CSGALNACT1: variants seen among roughly 807,000 people sequenced by gnomAD.
The protein encoded by CSGALNACT1 is chondroitin sulfate N-acetylgalactosaminyltransferase 1, also known as beta4GalNAcT-1.
Under a neutral mutation model 51.0 loss-of-function variants are expected in CSGALNACT1, and 52 were observed. The ratio of observed to expected loss-of-function variants is 1.02; its 90% CI spans 0.82 to 1.29. The LOEUF is 1.29. Ranked by LOEUF, CSGALNACT1 falls within the 50% of genes most tolerant of loss-of-function variation. The probability of loss-of-function intolerance (pLI) is 0.00; values close to 1 mark genes in which losing one functional copy is unlikely to be tolerated. For missense variants in CSGALNACT1, 935 were observed against 679.2 expected (o/e 1.38, Z -4.19); for synonymous variants, 341 against 254.4 (o/e 1.34, Z -3.24).
exon 10 of CSGALNACT1, chr8:19,406,017 A>G: frequency 1.2e-6 from 2 of 1,614,202 alleles, no homozygotes; most frequent in Non-Finnish European, 1.7e-6. Flanking sequence ...GATACTTGCG[A>G]TAAAGGTGCA....
chr8:19,648,524 C>A (rs2057482890), intron 1 of CSGALNACT1, among the ~76,000 whole-genome samples: 1 of 152,196 alleles, frequency 6.6e-6, no homozygotes, highest in Admixed American at 6.5e-5. Flanking sequence ...TGGAAACAAC[C>A]TGGCTCGACA....
intron 4 of CSGALNACT1, among the ~76,000 whole-genome samples, chr8:19,478,842 C>T (rs2070541759): frequency 6.6e-6 from 1 of 152,160 alleles, no homozygotes. Context: ...AAGTAAACAA[C>T]ATTGATATCA....
At chr8:19,482,690 A>G (rs2071759010) in intron 4 of CSGALNACT1, among the ~76,000 whole-genome samples, 1 of 152,274 alleles carries the variant, frequency 6.6e-6, no homozygotes, top group East Asian at 1.9e-4. Flanking sequence ...GGTGGTCCTC[A>G]AAGTTCCGAT....
intron 3 of CSGALNACT1, among the ~76,000 whole-genome samples, chr8:19,549,768 T>TA (rs1207144435): frequency 4.2e-5 from 6 of 144,238 alleles, no homozygotes; most frequent in Non-Finnish European, 9.0e-5. Context: ...TGTCTGAAAA[T>TA]ATCCCTATTC....
In CSGALNACT1 at chr8:19,583,666, T is replaced by C. The variant is rs77248241; in HGVS notation, c.-297+7494A>G. ...TTTCATTAACATCATCAACCATTAC[T>C]CTGATGACAAGCATTCCTCAGGATT... On this transcript the variant is annotated intron_variant, in intron 3 of 9. Transcript: ENST00000454498. Among the ~76,000 whole-genome samples, 236 of 152,296 alleles carry C rather than the reference T, an allele frequency of 1.5e-3. 2 individuals carry two copies. The highest frequency in any genetic ancestry group is 5.3e-3 in the African/African-American group (220 of 41,570).
intron 3 of CSGALNACT1, among the ~76,000 whole-genome samples, chr8:19,520,117 T>C (rs938224768): frequency 2.0e-5 from 3 of 152,192 alleles, no homozygotes; most frequent in African/African-American, 7.2e-5. Context: ...TCCTCTTCCT[T>C]CCCCACCTAC....
chr8:19,440,866 A>T (rs1268869771), intron 5 of CSGALNACT1, among the ~76,000 whole-genome samples: 6 of 152,226 alleles, frequency 3.9e-5, no homozygotes, highest in Non-Finnish European at 8.8e-5. Flanking sequence ...CAACTTCAGC[A>T]AAGTCTCAGG....
intron 1 of CSGALNACT1, among the ~76,000 whole-genome samples, chr8:19,621,605 A>C (rs984740456): frequency 6.6e-6 from 1 of 151,938 alleles, no homozygotes; most frequent in African/African-American, 2.4e-5. Flanking sequence ...GGCAAGACCC[A>C]GTCTCTACAA....
intron 3 of CSGALNACT1, among the ~76,000 whole-genome samples, chr8:19,581,994 T>G (rs1051962627): frequency 5.3e-5 from 8 of 152,234 alleles, no homozygotes; most frequent in African/African-American, 9.6e-5. Flanking sequence ...TTCTTAAAGA[T>G]GATCACCTAC....
intron 4 of CSGALNACT1, among the ~76,000 whole-genome samples, chr8:19,495,748 C>A (rs2075335722): frequency 6.6e-6 from 1 of 152,134 alleles, no homozygotes; most frequent in African/African-American, 2.4e-5. Context: ...GGTTTAAAGT[C>A]TTGGCTTTAT....
chr8:19,414,674 G>A (rs1174246654), intron 8 of CSGALNACT1, among the ~76,000 whole-genome samples: 2 of 152,042 alleles, frequency 1.3e-5, no homozygotes, highest in Non-Finnish European at 2.9e-5. Flanking sequence ...AAATGACAGT[G>A]GCAACAGTCA....
chr8:19,613,407 G>A (rs896485133), intron 1 of CSGALNACT1, among the ~76,000 whole-genome samples: 16 of 151,910 alleles, frequency 1.1e-4, no homozygotes, highest in African/African-American at 2.2e-4. Context: ...CTTTATCATC[G>A]CACAGACCGG....
intron 3 of CSGALNACT1, among the ~76,000 whole-genome samples, chr8:19,529,165 A>T (rs1332076576): frequency 6.6e-6 from 1 of 152,186 alleles, no homozygotes; most frequent in African/African-American, 2.4e-5. Flanking sequence ...GGTCAACGGT[A>T]ACTTAAAAGC....
chr8:19,676,084 T>TAA lies in CSGALNACT1; in HGVS notation c.-544+6387_-544+6388dup, dbSNP rs148674039. On this transcript the variant is annotated intron_variant, in intron 1 of 9. Coordinates refer to the CSGALNACT1 transcript ENST00000332246. ...CACGATGGATGGTGGTTGTCTGATT[T>TAA]AAAAAACAAAACAAAACAAAAAAAA... Among the ~76,000 whole-genome samples the TAA allele has an allele frequency of 4.8e-4, 51 of 106,220 alleles. 5 individuals are homozygous for TAA. The highest frequency in any genetic ancestry group is 1.0e-3 in the South Asian group (3 of 2,932). The allele number at this position is 106,220 out of a possible 152,430, so 69.7% of individuals were successfully genotyped here.
intron 1 of CSGALNACT1, among the ~76,000 whole-genome samples, chr8:19,733,962 CTA>C (rs2063827442): frequency 6.6e-6 from 1 of 152,144 alleles, no homozygotes; most frequent in Non-Finnish European, 1.5e-5. Flanking sequence ...AGAATGCACT[CTA>C]AGAAGTGTAC....
intron 4 of CSGALNACT1, among the ~76,000 whole-genome samples, chr8:19,469,319 A>G (rs2067517271): frequency 6.6e-6 from 1 of 152,176 alleles, no homozygotes; most frequent in South Asian, 2.1e-4. Flanking sequence ...TGAGCCCAGG[A>G]GATCGAGGCT....
rs559859152 is a variant in CSGALNACT1 at position 19,701,451 on chromosome 8, G to A, written c.-297+56399C>T. On this transcript the variant is annotated intron_variant, in intron 1 of 1. Transcript: ENST00000517494. ...TTACAGGTGTGAGCCACTGCACCAA[G>A]CCTACTCTGATATCTTAAGACACCA... is the stretch of plus-strand genomic sequence containing the variant. Among the ~76,000 whole-genome samples, 3 of 152,188 alleles carry A rather than the reference G, an allele frequency of 2.0e-5. No homozygotes were observed. In the East Asian group the frequency reaches 5.8e-4, roughly 29 times the overall value.
chr8:19,625,806 T>C (rs1010695886), intron 1 of CSGALNACT1, among the ~76,000 whole-genome samples: 1 of 152,178 alleles, frequency 6.6e-6, no homozygotes, highest in African/African-American at 2.4e-5. Flanking sequence ...GCTGGGGAAT[T>C]CATCCTAAGC....
At chr8:19,537,102 T>A (rs983676433) in intron 3 of CSGALNACT1, among the ~76,000 whole-genome samples, 1 of 152,168 alleles carries the variant, frequency 6.6e-6, no homozygotes, top group African/African-American at 2.4e-5. Flanking sequence ...CCTCAGTATG[T>A]CCCTTCCTTA....
Sources: allele counts gnomAD v4.1 joint callset (sites outside exome capture counted in the v4.1 genomes callset), GRCh38; gene constraint gnomAD v4.1.1; transcripts MANE v1.5; gene names NCBI Gene and HGNC (gene_info 2026-07-23, HGNC 2026-07-21).